KLRD1: variants seen among roughly 807,000 people sequenced by gnomAD.
KLRD1 encodes natural killer cells antigen CD94.
A neutral mutation model predicts 22.6 loss-of-function variants in KLRD1; 21 were observed. The ratio of observed to expected loss-of-function variants is 0.93; its 90% CI spans 0.66 to 1.34. The LOEUF (loss-of-function observed/expected upper bound fraction) is 1.34, where lower values mean the gene tolerates loss of function less well. Among genes scored for constraint, KLRD1 ranks in the 40% most tolerant of loss-of-function variants. KLRD1 has a pLI of 0.00. For synonymous variants in KLRD1, 59 were observed against 71.1 expected, an observed-to-expected ratio of 0.83 and a Z score of 0.85; for missense variants, 183 against 208.6, an observed-to-expected ratio of 0.88 and a Z score of 0.76.
chr12:10,283,413 C>T (rs1048187725), intron 1 of KLRD1, among the ~76,000 whole-genome samples: 19 of 152,258 alleles, frequency 1.2e-4, no homozygotes, highest in Admixed American at 9.8e-4. Context: ...TTTAGTAATG[C>T]AAAATGAGTA....
intron 1 of KLRD1, among the ~76,000 whole-genome samples, chr12:10,257,953 A>C (rs1359513408): frequency 6.6e-5 from 10 of 152,076 alleles, no homozygotes; most frequent in Admixed American, 6.6e-4. Flanking sequence ...CTTTTGGAGC[A>C]TGAATTTTCC....
chr12:10,302,738 A>G (rs750866755), upstream of KLRD1, among the ~76,000 whole-genome samples: 10 of 151,480 alleles, frequency 6.6e-5, no homozygotes, highest in Non-Finnish European at 1.2e-4. Context: ...GTCATAAGCC[A>G]GGAGTCCAGG....
intron 4 of KLRD1, among the ~76,000 whole-genome samples, chr12:10,312,030 C>T (rs892763643): frequency 1.3e-5 from 2 of 149,686 alleles, no homozygotes; most frequent in Admixed American, 6.7e-5. Flanking sequence ...GGTAAGAAAA[C>T]GTACCCAATT....
At chr12:10,246,777 G>C (rs1949294910) in intron 1 of KLRD1, among the ~76,000 whole-genome samples, 1 of 151,902 alleles carries the variant, frequency 6.6e-6, no homozygotes, top group African/African-American at 2.4e-5. Flanking sequence ...AATTTGTTTT[G>C]GCTATGTTTA....
chr12:10,300,825 G>T (rs1949860329), upstream of KLRD1, among the ~76,000 whole-genome samples: 1 of 152,202 alleles, frequency 6.6e-6, no homozygotes, highest in Non-Finnish European at 1.5e-5. Flanking sequence ...TGGATAACCT[G>T]CTACAGCTTC....
At chr12:10,314,601 A>T in intron 5 of KLRD1, 72 bp from the exon 6 acceptor site, 1 of 1,374,562 alleles carries the variant, frequency 7.3e-7, no homozygotes, top group Non-Finnish European at 9.7e-7. Context: ...AATTTATATC[A>T]TTTAATTGAA....
intron 1 of KLRD1, among the ~76,000 whole-genome samples, chr12:10,295,789 C>A (rs537787672): frequency 6.6e-6 from 1 of 152,200 alleles, no homozygotes; most frequent in East Asian, 1.9e-4. Context: ...TGGTCTTAAT[C>A]ATGAATATTG....
intron 1 of KLRD1, among the ~76,000 whole-genome samples, chr12:10,263,063 G>A (rs1441516874): frequency 6.6e-6 from 1 of 151,918 alleles, no homozygotes; most frequent in Non-Finnish European, 1.5e-5. Context: ...TGTTTATCAC[G>A]ACAATGCTTC....
intron 1 of KLRD1, among the ~76,000 whole-genome samples, chr12:10,289,527 C>T (rs1565460850): frequency 6.6e-6 from 1 of 152,204 alleles, no homozygotes; most frequent in Non-Finnish European, 1.5e-5. Flanking sequence ...ACTACATAAA[C>T]ATGTCACTTT....
intron 1 of KLRD1, among the ~76,000 whole-genome samples, chr12:10,296,298 C>T (rs1949820665): frequency 2.0e-5 from 3 of 152,146 alleles, no homozygotes; most frequent in Middle Eastern, 3.4e-3. Flanking sequence ...GGGTGGATCA[C>T]GAGGTCTGGA....
At position 10,324,814 on chromosome 12, in the gene KLRD1, G is replaced by GTATATATATATATATATA. The variant is rs1246906245; in HGVS notation, c.*10022_*10023insATATATATATATATATAT. On this transcript the variant is annotated 3_prime_UTR_variant, in exon 6 of 6. Coordinates refer to ENST00000336164, the MANE Select transcript of KLRD1 (RefSeq NM_002262.5). ...TGTAAGTATATATGTATATGTGTGT[G>GTATATATATATATATATA]TGTGTATATATATATATATATATAT... The GTATATATATATATATATA allele has an allele frequency of 8.4e-4, 10 of 11,950 alleles. No individual in the cohort carries two copies. Among genetic ancestry groups the GTATATATATATATATATA allele is most frequent in the Non-Finnish European group, 1.4e-3 (8 of 5,582 alleles). 0.7% of individuals were successfully genotyped at this position (11,950 alleles called of 1,614,324 possible).
At chr12:10,254,446 A>AAT in intron 1 of KLRD1, among the ~76,000 whole-genome samples, 1 of 151,456 alleles carries the variant, frequency 6.6e-6, no homozygotes, top group East Asian at 1.9e-4. Flanking sequence ...AAAAAAAAAA[A>AAT]AAAAAACCTA....
At position 10,321,038 on chromosome 12, in the gene KLRD1, A is replaced by G. The variant is rs1950307639; in HGVS notation, c.*6245A>G. On this transcript the variant is annotated 3_prime_UTR_variant, in exon 6 of 6. Transcript: ENST00000336164. Reference sequence around the variant, plus strand: ...TTTTATTCAAAAGTAAGAATAATTCAAAGGACAGAACTAAGAGCCTGTAAG... The same window carrying G: ...TTTTATTCAAAAGTAAGAATAATTCGAAGGACAGAACTAAGAGCCTGTAAG... The G allele has an allele frequency of 6.6e-6, 1 of 152,240 alleles. No individual in the cohort carries two copies. Among genetic ancestry groups the G allele is most frequent in the African/African-American group, 2.4e-5 (1 of 41,468 alleles). The allele number at this position is 152,240 out of a possible 1,614,324, so 9.4% of individuals were successfully genotyped here. A position where few individuals can be genotyped will look rare whatever the true frequency, so the allele number is the denominator to read the frequency against.
rs149531875 is a variant in KLRD1 at position 10,291,756 on chromosome 12, T to C, written c.-100-16222T>C. ...CATCGTCTAGGTTTTAAGCCCTACA[T>C]GCATTAGGTATTTGTCCTAATGCTC... On this transcript the variant is annotated intron_variant, in intron 1 of 5. Transcript: ENST00000544747. 3.9e-3 allele frequency among the ~76,000 whole-genome samples: 592 copies of C among 152,222 alleles called. 19 individuals are homozygous for C. In the East Asian group the frequency reaches 0.068, roughly 17 times the overall value.
intron 1 of KLRD1, among the ~76,000 whole-genome samples, chr12:10,258,484 C>A (rs1949420108): frequency 6.6e-6 from 1 of 152,134 alleles, no homozygotes; most frequent in South Asian, 2.1e-4. Flanking sequence ...ATTGGGAATT[C>A]AACCAAAGTA....
chr12:10,293,540 ATTGT>A, intron 1 of KLRD1, among the ~76,000 whole-genome samples: 1 of 152,272 alleles, frequency 6.6e-6, no homozygotes, highest in East Asian at 1.9e-4. Flanking sequence ...TTATATGGGC[ATTGT>A]TTGTTGCACC....
intron 1 of KLRD1, among the ~76,000 whole-genome samples, chr12:10,288,621 T>A (rs1219209360): frequency 6.6e-6 from 1 of 152,120 alleles, no homozygotes; most frequent in Non-Finnish European, 1.5e-5. Flanking sequence ...TATCATAGGG[T>A]TTATGAAGAT....
At position 10,250,466 on chromosome 12, in the gene KLRD1, T is replaced by C. The variant is rs907773663; in HGVS notation, c.-101+24233T>C. Among the ~76,000 whole-genome samples the C allele has an allele frequency of 1.2e-4, 19 of 152,150 alleles. No homozygotes were observed. In the East Asian group the frequency reaches 3.5e-3, roughly 28 times the overall value. On this transcript the variant is annotated intron_variant, in intron 1 of 5. Coordinates refer to the KLRD1 transcript ENST00000544747. ...TCCAAACTTTTCTTTTCTTTTCTTTTCTTTTTTTGAGACGGGGTCTCACTC... is the reference window on the plus strand; with the variant it reads ...TCCAAACTTTTCTTTTCTTTTCTTTCCTTTTTTTGAGACGGGGTCTCACTC...
chr12:10,271,681 A>G (rs1949550861), intron 1 of KLRD1, among the ~76,000 whole-genome samples: 1 of 152,212 alleles, frequency 6.6e-6, no homozygotes, highest in Admixed American at 6.5e-5. Context: ...AAGATTAAAA[A>G]AATGCATCCA....
Sources: allele counts gnomAD v4.1 joint callset (sites outside exome capture counted in the v4.1 genomes callset), GRCh38; gene constraint gnomAD v4.1.1; transcripts MANE v1.5; gene names NCBI Gene and HGNC (gene_info 2026-07-23, HGNC 2026-07-21).